Variants in NCOR2 observed in about 807,000 individuals in gnomAD.
NCOR2 encodes the protein nuclear receptor corepressor 2.
A neutral mutation model predicts 262.9 loss-of-function variants in NCOR2; 81 were observed. The observed-to-expected ratio is 0.31, with a 90% CI of 0.26 to 0.37. The LOEUF is 0.37. Ranked by LOEUF, NCOR2 falls within the 10% of genes least tolerant of loss-of-function variation. The pLI, the probability that NCOR2 is intolerant of heterozygous loss-of-function variation, is 1.00. For synonymous variants in NCOR2, 1,659 were observed against 1,559.3 expected (o/e 1.06, Z -1.51); for missense variants, 3,385 against 3,621.4 (o/e 0.93, Z 1.68).
chr12:124,425,020 A>G (rs1044838950), intron 11 of NCOR2, among the ~76,000 whole-genome samples: 3 of 152,232 alleles, frequency 2.0e-5, no homozygotes, highest in African/African-American at 4.8e-5. Context: ...CACAGGCCAC[A>G]TGCAGCCCAG....
At chr12:124,352,264 A>T (rs1036309845) in intron 27 of NCOR2, among the ~76,000 whole-genome samples, 4 of 152,194 alleles carry the variant, frequency 2.6e-5, no homozygotes, top group Non-Finnish European at 1.5e-5. Flanking sequence ...TCCAGCCCTA[A>T]CATCAGATGG....
intron 1 of NCOR2, among the ~76,000 whole-genome samples, chr12:124,520,103 T>C (rs7972734): frequency 0.092 from 14,074 of 152,234 alleles, 737 homozygotes; most frequent in Middle Eastern, 0.14. Context: ...CGGAGGCCCC[T>C]GGAAGCCAGA....
chr12:124,485,171 C>T (rs574408567), intron 2 of NCOR2, among the ~76,000 whole-genome samples: 1 of 152,308 alleles, frequency 6.6e-6, no homozygotes, highest in East Asian at 1.9e-4. Context: ...CTCCCAAAAT[C>T]CACGGCCACT....
chr12:124,347,383 C>T (rs1428910882), intron 30 of NCOR2: 2 of 175,214 alleles, frequency 1.1e-5, no homozygotes, highest in African/African-American at 4.7e-5. Flanking sequence ...GCAACAACAA[C>T]AACAAAATAA....
chr12:124,434,319 G>A (rs999908465), intron 8 of NCOR2, among the ~76,000 whole-genome samples: 6 of 152,046 alleles, frequency 3.9e-5, no homozygotes, highest in African/African-American at 1.2e-4. Context: ...CAGGGACTTC[G>A]GCTTCTTATA....
chr12:124,494,776 G>A (rs1302232876), intron 1 of NCOR2, among the ~76,000 whole-genome samples: 2 of 152,170 alleles, frequency 1.3e-5, no homozygotes, highest in African/African-American at 4.8e-5. Flanking sequence ...CCCCCTGGAA[G>A]CCACCCCAAT....
chr12:124,348,494 GC>G, intron 28 of NCOR2, 180 bp from the exon 31 acceptor site: 4 of 780,898 alleles, frequency 5.1e-6, no homozygotes, highest in Non-Finnish European at 7.8e-6. Context: ...CTGGGGGCCT[GC>G]CAGCAGGACC....
At chr12:124,405,945 A>G (rs555872203) in intron 13 of NCOR2, among the ~76,000 whole-genome samples, 3 of 151,560 alleles carry the variant, frequency 2.0e-5, no homozygotes, top group South Asian at 2.1e-4. Flanking sequence ...TTGGCTGCAC[A>G]CTCAGATCTC....
Position 124,495,112 on chromosome 12 carries a change from G to C in NCOR2, c.105+35C>G, listed in dbSNP as rs759740932. 1 of 1,608,394 alleles carries C rather than the reference G, an allele frequency of 6.2e-7. No individual in the cohort carries two copies. The highest frequency in any genetic ancestry group is 1.1e-5 in the South Asian group (1 of 90,224). ...AGTGGAATGGAAGAAGGGTCTCAAA[G>C]GTAGCCCCAGGCGCACACATGTGCA... On this transcript the variant is annotated intron_variant, in intron 1 of 46. Transcript: ENST00000405201. The surrounding 1 kb of genome is among the most constrained non-coding windows in gnomAD (Gnocchi z 4.4).
chr12:124,359,093 G>A (rs111974029), intron 22 of NCOR2, among the ~76,000 whole-genome samples: 3,160 of 152,310 alleles, frequency 0.021, 65 homozygotes, highest in African/African-American at 0.053. Flanking sequence ...TAAACTCAGC[G>A]GGGCCCCGGG....
chr12:124,548,737 G>A lies in NCOR2; in HGVS notation c.-164-13126C>T, dbSNP rs1037725060. On this transcript the variant is annotated intron_variant, in intron 1 of 32. Coordinates refer to the NCOR2 transcript ENST00000458234. This position sits in a 1 kb window ranked among gnomAD's most constrained non-coding sequence, Gnocchi z 5.1. ...TTTGGCTGCCCCATGACTGGCTCAT[G>A]GCCTTTGGGACAGTCCTACTCCATA... Among the ~76,000 whole-genome samples the A allele has an allele frequency of 6.6e-6, 1 of 151,982 alleles. No homozygotes were observed. The highest frequency in any genetic ancestry group is 2.4e-5 in the African/African-American group (1 of 41,344).
intron 13 of NCOR2, among the ~76,000 whole-genome samples, chr12:124,416,520 G>A (rs912038900): frequency 2.0e-5 from 3 of 150,698 alleles, no homozygotes; most frequent in East Asian, 2.0e-4. Flanking sequence ...CAGGGAGACC[G>A]GCGGCACAGG....
chr12:124,402,354 C>T lies in NCOR2; in HGVS notation c.1640+50G>A, dbSNP rs778677091. ...AGGGTCCCCCAGAACCGTGTGCCAC[C>T]CGGGTTGGGTCAGCGGCCGGGCCCT... On this transcript the variant is annotated intron_variant, in intron 14 of 46. Transcript: ENST00000405201. The T allele has an allele frequency of 1.6e-5, 26 of 1,607,512 alleles. No homozygotes were observed. In the East Asian group the frequency reaches 5.4e-4, roughly 33 times the overall value.
intron 13 of NCOR2, among the ~76,000 whole-genome samples, chr12:124,409,778 A>G (rs11836068): frequency 0.028 from 4,253 of 152,148 alleles, 209 homozygotes; most frequent in African/African-American, 0.097. Flanking sequence ...TCTGGGCTCA[A>G]GCAGTGCTTC....
chr12:124,479,409 A>G (rs1039154136), intron 3 of NCOR2, among the ~76,000 whole-genome samples: 53 of 151,724 alleles, frequency 3.5e-4, no homozygotes, highest in African/African-American at 1.2e-3. Context: ...ACGCACGCAC[A>G]CACAGGTACA....
At chr12:124,460,628 C>A (rs1353642306) in intron 5 of NCOR2, among the ~76,000 whole-genome samples, 48 of 152,334 alleles carry the variant, frequency 3.2e-4, no homozygotes, top group Non-Finnish European at 4.4e-5. Flanking sequence ...GCTCTCCAAG[C>A]CACAATCAGG....
At chr12:124,496,808 GACTGTCTCA>G, upstream of NCOR2, among the ~76,000 whole-genome samples, 1 of 152,218 alleles carries the variant, frequency 6.6e-6, no homozygotes, top group South Asian at 2.1e-4. This position sits in a 1 kb window ranked among gnomAD's most constrained non-coding sequence, Gnocchi z 4.4. Context: ...CTGGGCCAGT[GACTGTCTCA>G]AGGATGAGCC....
chr12:124,326,506 C>T (rs927005155), intron 45 of NCOR2, 136 bp from the exon 48 acceptor site: 13 of 844,304 alleles, frequency 1.5e-5, no homozygotes, highest in Admixed American at 3.9e-5. Flanking sequence ...ACGTGAACCC[C>T]TCCTCCCTGC....
intron 40 of NCOR2, 54 bp downstream of exon 42, chr12:124,335,081 C>T (rs2035765464): frequency 4.3e-6 from 7 of 1,611,646 alleles, no homozygotes; most frequent in Non-Finnish European, 5.9e-6. Flanking sequence ...CCTCTCCAGG[C>T]CTGGTGCCCC....
Sources: gnomAD v4.1 joint callset for allele counts (sites outside exome capture counted in the v4.1 genomes callset) on GRCh38, gnomAD v4.1.1 for gene constraint, Gnocchi (gnomAD v3.1) non-coding constraint, MANE v1.5 for transcripts, NCBI Gene and HGNC (gene_info 2026-07-23, HGNC 2026-07-21) for gene names.